Variants in CADM2 observed in about 807,000 individuals in gnomAD.
CADM2 encodes cell adhesion molecule 2.
Under a neutral mutation model 49.8 loss-of-function variants are expected in CADM2, and 12 were observed. The observed-to-expected ratio is 0.24, with a 90% CI of 0.15 to 0.39. The LOEUF is 0.39. Among genes scored for constraint, CADM2 ranks in the 10% least tolerant of loss-of-function variants. The pLI is 1.00. For missense variants in CADM2, 378 were observed against 492.3 expected, an observed-to-expected ratio of 0.77 and a Z score of 2.20; for synonymous variants, 214 against 175.4, an observed-to-expected ratio of 1.22 and a Z score of -1.74.
intron 1 of CADM2, among the ~76,000 whole-genome samples, chr3:84,987,319 C>T (rs2032631778): frequency 6.6e-6 from 1 of 151,982 alleles, no homozygotes; most frequent in African/African-American, 2.4e-5. Context: ...CTCTTCCAGC[C>T]AAATGCCATT....
chr3:85,660,628 A>G lies in CADM2; in HGVS notation c.62-65894A>G, dbSNP rs558439479. On this transcript the variant is annotated intron_variant, in intron 1 of 9. Coordinates refer to ENST00000383699, the MANE Select transcript of CADM2 (RefSeq NM_001167675.2). ...CTATCTTGTTTGATTAGTGTTTTCAAACTATGGAGTTTATCAGCAGGGGGC... is the reference window on the plus strand; with the variant it reads ...CTATCTTGTTTGATTAGTGTTTTCAGACTATGGAGTTTATCAGCAGGGGGC... Among the ~76,000 whole-genome samples, 17 of 152,164 alleles carry G rather than the reference A, an allele frequency of 1.1e-4. No individual in the cohort carries two copies. In the South Asian group the frequency reaches 3.1e-3, roughly 28 times the overall value.
At chr3:85,508,837 ATGTGTGTG>A (rs10524905) in intron 1 of CADM2, among the ~76,000 whole-genome samples, 13 of 150,010 alleles carry the variant, frequency 8.7e-5, no homozygotes, top group Admixed American at 2.0e-4. Flanking sequence ...CTGTGTGTGT[ATGTGTGTG>A]TGTGTGTGTG....
At chr3:85,089,936 A>C (rs1323630574) in intron 1 of CADM2, among the ~76,000 whole-genome samples, 2 of 152,278 alleles carry the variant, frequency 1.3e-5, no homozygotes, top group African/African-American at 4.8e-5. Flanking sequence ...GGGGACTGAA[A>C]GTTTCTCTGG....
chr3:85,061,943 G>GA (rs911803893), intron 1 of CADM2, among the ~76,000 whole-genome samples: 2 of 150,868 alleles, frequency 1.3e-5, no homozygotes, highest in Non-Finnish European at 1.5e-5. Context: ...CTATCAGAAA[G>GA]AAAAAAAATA....
At chr3:85,234,102 A>G (rs989870025) in intron 1 of CADM2, among the ~76,000 whole-genome samples, 4 of 152,084 alleles carry the variant, frequency 2.6e-5, no homozygotes, top group Non-Finnish European at 5.9e-5. Flanking sequence ...CCTGAGTTAT[A>G]CAGAAATTAG....
At chr3:85,821,411 A>G (rs770153629) in intron 3 of CADM2, among the ~76,000 whole-genome samples, 8 of 152,162 alleles carry the variant, frequency 5.3e-5, no homozygotes, top group Non-Finnish European at 1.2e-4. Flanking sequence ...TTTTAAGTCT[A>G]TATCACCCAC....
rs899028729 is a variant in CADM2, at chr3:85,268,096, C to A, written c.61+308428C>A. ...TTATTAAAATGTATAATAAGGTGAT[C>A]TGACTTAGTCTGGGATATCAGGGAA... On this transcript the variant is annotated intron_variant, in intron 1 of 9. Transcript: ENST00000383699. Among the ~76,000 whole-genome samples, 8 of 151,506 alleles carry A rather than the reference C, an allele frequency of 5.3e-5. No homozygotes were observed. The East Asian group carries it at 1.6e-3, about 30-fold the overall frequency.
At chr3:84,995,731 A>G (rs1194648222) in intron 1 of CADM2, among the ~76,000 whole-genome samples, 1 of 152,186 alleles carries the variant, frequency 6.6e-6, no homozygotes, top group African/African-American at 2.4e-5. Flanking sequence ...ATTTATTTCC[A>G]TGATTGCTAA....
chr3:85,446,588 GTTTTTTT>G (rs1205413346), intron 1 of CADM2, among the ~76,000 whole-genome samples: 1 of 136,556 alleles, frequency 7.3e-6, no homozygotes, highest in African/African-American at 2.5e-5. Context: ...GTGTGTGTGA[GTTTTTTT>G]TGTTTTTTGT....
At chr3:85,077,907 A>C (rs777232147) in intron 1 of CADM2, among the ~76,000 whole-genome samples, 48 of 152,080 alleles carry the variant, frequency 3.2e-4, no homozygotes, top group Non-Finnish European at 1.8e-4. Flanking sequence ...CTTGTTTCTT[A>C]CTATTGCGTA....
chr3:85,223,718 A>T (rs907680839), intron 1 of CADM2, among the ~76,000 whole-genome samples: 1 of 151,848 alleles, frequency 6.6e-6, no homozygotes, highest in Non-Finnish European at 1.5e-5. Context: ...CTCGTCACTT[A>T]CCTTAGATAT....
At chr3:85,792,542 C>T (rs1342300970) in intron 2 of CADM2, among the ~76,000 whole-genome samples, 1 of 152,206 alleles carries the variant, frequency 6.6e-6, no homozygotes, top group Non-Finnish European at 1.5e-5. Context: ...AACTCACTTC[C>T]TCTCAAACAT....
chr3:86,055,592 G>C (rs1737861229), intron 8 of CADM2, among the ~76,000 whole-genome samples: 1 of 151,010 alleles, frequency 6.6e-6, no homozygotes, highest in Admixed American at 6.6e-5. Context: ...TCAGCCTCCT[G>C]AGTAGCTGAG....
At chr3:85,146,761 A>G (rs2039755776) in intron 1 of CADM2, among the ~76,000 whole-genome samples, 1 of 152,218 alleles carries the variant, frequency 6.6e-6, no homozygotes, top group Non-Finnish European at 1.5e-5. Context: ...TACAGTATAA[A>G]TAAGTGAATT....
At chr3:85,634,343 G>A (rs534789212) in intron 1 of CADM2, among the ~76,000 whole-genome samples, 14 of 151,928 alleles carry the variant, frequency 9.2e-5, no homozygotes, top group African/African-American at 2.4e-4. Context: ...GATATTAGTG[G>A]ACTGAAGTAT....
At chr3:85,978,175 ACT>A (rs1727025473) in intron 8 of CADM2, among the ~76,000 whole-genome samples, 2 of 151,350 alleles carry the variant, frequency 1.3e-5, no homozygotes, top group South Asian at 2.1e-4. Context: ...ACAAGATTTG[ACT>A]CTCTGAGGAT....
At chr3:85,633,471 A>G (rs2064371242) in intron 1 of CADM2, among the ~76,000 whole-genome samples, 2 of 151,976 alleles carry the variant, frequency 1.3e-5, no homozygotes, top group African/African-American at 4.8e-5. Flanking sequence ...ATGGTGCTCA[A>G]TTTTACATAT....
intron 8 of CADM2, among the ~76,000 whole-genome samples, chr3:85,968,999 A>C (rs945568839): frequency 6.6e-6 from 1 of 151,582 alleles, no homozygotes; most frequent in Non-Finnish European, 1.5e-5. Flanking sequence ...TCTCCAATTC[A>C]TCACGAAGTT....
chr3:85,482,850 T>A (rs1205953252), intron 1 of CADM2, among the ~76,000 whole-genome samples: 2 of 151,656 alleles, frequency 1.3e-5, no homozygotes, highest in Non-Finnish European at 1.5e-5. Flanking sequence ...CAGTAAATTT[T>A]ATTTAAAAAT....
Sources: allele counts gnomAD v4.1 joint callset (sites outside exome capture counted in the v4.1 genomes callset), GRCh38; gene constraint gnomAD v4.1.1; transcripts MANE v1.5; gene names NCBI Gene and HGNC (gene_info 2026-07-23, HGNC 2026-07-21).